Variants in LRRC37A2 observed in about 807,000 individuals in gnomAD.
LRRC37A2 encodes the protein leucine-rich repeat-containing protein 37A2.
In LRRC37A2, 9 loss-of-function variants were observed where a neutral mutation model predicts 68.8. That is an observed-to-expected ratio of 0.13 (90% CI 0.08 to 0.23). LRRC37A2 has a LOEUF of 0.23. Among genes scored for constraint, LRRC37A2 ranks in the 10% least tolerant of loss-of-function variants. The pLI, the probability that LRRC37A2 is intolerant of heterozygous loss-of-function variation, is 1.00. For missense variants in LRRC37A2, 168 were observed against 950.4 expected (o/e 0.18, Z 10.82); for synonymous variants, 63 against 367.6 (o/e 0.17, Z 9.48).
chr17:46,832,054 G>C, the LRRC37A2 span, among the ~76,000 whole-genome samples: 1 of 152,356 alleles, frequency 6.6e-6, no homozygotes, highest in Non-Finnish European at 1.5e-5. Context: ...GGCCCGCGTG[G>C]TTTTGGGCAG....
chr17:46,711,956 T>G, the LRRC37A2 span, among the ~76,000 whole-genome samples: 1 of 152,222 alleles, frequency 6.6e-6, no homozygotes, highest in African/African-American at 2.4e-5. Context: ...TAGAAGCCAG[T>G]TCATATAAAA....
chr17:46,938,477 T>C, the LRRC37A2 span: 2 of 1,477,630 alleles, frequency 1.4e-6, no homozygotes, highest in East Asian at 2.3e-5. Context: ...TATTGCTTTC[T>C]GTGTATTCTG....
At chr17:46,757,869 C>A in the LRRC37A2 span, among the ~76,000 whole-genome samples, 8 of 152,066 alleles carry the variant, frequency 5.3e-5, no homozygotes, top group Non-Finnish European at 7.4e-5. Flanking sequence ...TGGCACATGC[C>A]TATAATCCCA....
chr17:47,040,061 T>C, the LRRC37A2 span, among the ~76,000 whole-genome samples: 2 of 151,934 alleles, frequency 1.3e-5, no homozygotes, highest in African/African-American at 4.8e-5. Flanking sequence ...TGATGAGACA[T>C]TGCTTTCATA....
At chr17:46,440,443 C>T in the LRRC37A2 span, among the ~76,000 whole-genome samples, 1 of 62,286 alleles carries the variant, frequency 1.6e-5, no homozygotes, top group African/African-American at 4.7e-5. Flanking sequence ...TTCAGTAACA[C>T]AGTGGTTCTC....
chr17:47,022,168 C>CTTTTTTTTTTTTTTTTTTTTTTTTTT, the LRRC37A2 span, among the ~76,000 whole-genome samples: 1 of 19,720 alleles, frequency 5.1e-5, no homozygotes, highest in African/African-American at 9.7e-5. Context: ...TTTTTGTTCT[C>CTTTTTTTTTTTTTTTTTTTTTTTTTT]TTTTTTTTTT....
the LRRC37A2 span, among the ~76,000 whole-genome samples, chr17:46,610,007 C>T: frequency 1.7e-5 from 2 of 116,972 alleles, no homozygotes; most frequent in African/African-American, 3.2e-5. Context: ...CTTTCTTTCT[C>T]TCTTTCTTTC....
At chr17:46,551,698 G>GA (rs2056842469) in intron 11 of LRRC37A2, among the ~76,000 whole-genome samples, 1 of 145,978 alleles carries the variant, frequency 6.9e-6, no homozygotes, top group Non-Finnish European at 1.5e-5. Context: ...AGGATCGCTT[G>GA]AGCCTGGGAG....
the LRRC37A2 span, among the ~76,000 whole-genome samples, chr17:46,864,831 T>C: frequency 6.6e-6 from 1 of 152,036 alleles, no homozygotes; most frequent in Non-Finnish European, 1.5e-5. Context: ...ACCGGAGACC[T>C]GCACACTTGG....
At chr17:46,970,495 A>G in the LRRC37A2 span, among the ~76,000 whole-genome samples, 1 of 147,962 alleles carries the variant, frequency 6.8e-6, no homozygotes, top group African/African-American at 2.5e-5. Flanking sequence ...AGCCGAGATC[A>G]AGCCACAGCA....
the LRRC37A2 span, among the ~76,000 whole-genome samples, chr17:46,950,413 T>C: frequency 6.6e-6 from 1 of 152,112 alleles, no homozygotes; most frequent in Non-Finnish European, 1.5e-5. Context: ...GGGGAGAAGA[T>C]GAAGTTGCTA....
At chr17:47,034,825 C>T in the LRRC37A2 span, among the ~76,000 whole-genome samples, 1 of 151,500 alleles carries the variant, frequency 6.6e-6, no homozygotes, top group East Asian at 1.9e-4. Context: ...ACTTTTCATG[C>T]CAAAAAAAAA....
chr17:46,951,522 G>C, the LRRC37A2 span, among the ~76,000 whole-genome samples: 1 of 152,156 alleles, frequency 6.6e-6, no homozygotes. Context: ...TTTAACTGGC[G>C]TAGCCCTTGA....
the LRRC37A2 span, among the ~76,000 whole-genome samples, chr17:46,878,507 A>C: frequency 6.6e-6 from 1 of 152,192 alleles, no homozygotes; most frequent in Non-Finnish European, 1.5e-5. Flanking sequence ...CGTTAAAATG[A>C]CATTGCTGAC....
the LRRC37A2 span, among the ~76,000 whole-genome samples, chr17:46,896,355 AAAAG>A: frequency 7.8e-3 from 1,166 of 149,432 alleles, 14 homozygotes; most frequent in African/African-American, 0.025. Context: ...GAAAGAAAGA[AAAAG>A]AAAGAAAGAG....
chr17:46,810,300 C>T, the LRRC37A2 span, among the ~76,000 whole-genome samples: 1 of 152,170 alleles, frequency 6.6e-6, no homozygotes, highest in Non-Finnish European at 1.5e-5. Flanking sequence ...AAGCCCCATG[C>T]CCAGCCTTCT....
At chr17:46,737,090 G>A in the LRRC37A2 span, among the ~76,000 whole-genome samples, 2 of 152,212 alleles carry the variant, frequency 1.3e-5, no homozygotes, top group Non-Finnish European at 2.9e-5. Flanking sequence ...TTTATTAGAT[G>A]TACATTTAAG....
chr17:46,929,060 T>C, the LRRC37A2 span, among the ~76,000 whole-genome samples: 1 of 152,142 alleles, frequency 6.6e-6, no homozygotes, highest in Admixed American at 6.5e-5. Flanking sequence ...TTATGTTGTT[T>C]CTCAAGGACA....
the LRRC37A2 span, among the ~76,000 whole-genome samples, chr17:46,878,702 T>G: frequency 1.3e-5 from 2 of 152,132 alleles, no homozygotes; most frequent in Non-Finnish European, 2.9e-5. Context: ...GGGACCTCAC[T>G]GGCAGAGCAG....
Sources: gnomAD v4.1 joint callset for allele counts (sites outside exome capture counted in the v4.1 genomes callset) on GRCh38, gnomAD v4.1.1 for gene constraint, MANE v1.5 for transcripts, NCBI Gene and HGNC (gene_info 2026-07-23, HGNC 2026-07-21) for gene names.